The following STK32B variants were observed in gnomAD, a reference collection of about 807,000 sequenced individuals.
STK32B encodes serine/threonine-protein kinase 32B.
Under a neutral mutation model 52.6 loss-of-function variants are expected in STK32B, and 43 were observed. That is an observed-to-expected ratio of 0.82 (90% CI 0.64 to 1.05). The LOEUF is 1.05. Among genes scored for constraint, STK32B ranks in the 50% least tolerant of loss-of-function variants. The probability of loss-of-function intolerance (pLI) is 0.00; values close to 1 mark genes in which losing one functional copy is unlikely to be tolerated. For synonymous variants in STK32B, 238 were observed against 204.3 expected (o/e 1.17, Z -1.41); for missense variants, 621 against 534.6 (o/e 1.16, Z -1.59).
intron 2 of STK32B, 100 bp downstream of exon 2, chr4:5,140,060 T>G (rs146983915): frequency 2.6e-6 from 4 of 1,518,334 alleles, no homozygotes; most frequent in Non-Finnish European, 3.6e-6. Flanking sequence ...TGTTTGACAG[T>G]AAGATTTCGA....
At chr4:5,455,332 C>T (rs1041480228) in intron 7 of STK32B, among the ~76,000 whole-genome samples, 1 of 152,164 alleles carries the variant, frequency 6.6e-6, no homozygotes, top group South Asian at 2.1e-4. Context: ...CATGTAGGCT[C>T]GATCACGTGG....
At chr4:5,276,628 T>C (rs1727842112) in intron 3 of STK32B, among the ~76,000 whole-genome samples, 1 of 152,006 alleles carries the variant, frequency 6.6e-6, no homozygotes. Context: ...TTTAATGGAA[T>C]AGTAATTGTG....
intron 5 of STK32B, among the ~76,000 whole-genome samples, chr4:5,402,582 A>G (rs370387273): frequency 1.4e-4 from 21 of 152,268 alleles, no homozygotes; most frequent in African/African-American, 5.1e-4. Context: ...TGGCCGAGGA[A>G]CTCATGGTCT....
At chr4:5,313,467 T>C (rs1730450822) in intron 3 of STK32B, among the ~76,000 whole-genome samples, 1 of 128,520 alleles carries the variant, frequency 7.8e-6, no homozygotes, top group Admixed American at 7.5e-5. Flanking sequence ...GATTTTTGCT[T>C]TTACTACTCT....
At chr4:5,175,256 C>A (rs1045915629) in intron 3 of STK32B, among the ~76,000 whole-genome samples, 2 of 152,080 alleles carry the variant, frequency 1.3e-5, no homozygotes, top group African/African-American at 4.8e-5. Context: ...AAACTTCCAC[C>A]TTCAGCTCGG....
chr4:5,406,898 ACTC>A, intron 5 of STK32B, among the ~76,000 whole-genome samples: 2 of 152,112 alleles, frequency 1.3e-5, no homozygotes, highest in South Asian at 4.2e-4. Flanking sequence ...GCTCCCTTTT[ACTC>A]ATACAAATTT....
At chr4:5,362,798 C>G (rs1430852981) in intron 4 of STK32B, among the ~76,000 whole-genome samples, 1 of 152,190 alleles carries the variant, frequency 6.6e-6, no homozygotes, top group Non-Finnish European at 1.5e-5. Context: ...TGTGCCTTCC[C>G]TGAGGCAAAG....
At chr4:5,388,727 A>G (rs74458149) in intron 4 of STK32B, among the ~76,000 whole-genome samples, 3,777 of 152,326 alleles carry the variant, frequency 0.025, 149 homozygotes, top group African/African-American at 0.084. Flanking sequence ...AAGAAGGTCC[A>G]AGCTTCTTAA....
intron 3 of STK32B, among the ~76,000 whole-genome samples, chr4:5,195,641 C>T (rs1362977008): frequency 2.0e-5 from 3 of 152,100 alleles, no homozygotes; most frequent in African/African-American, 7.2e-5. Flanking sequence ...TGCAGTGAGC[C>T]GAGATCACGC....
intron 1 of STK32B, among the ~76,000 whole-genome samples, chr4:5,136,209 C>G (rs994337513): frequency 6.6e-6 from 1 of 152,200 alleles, no homozygotes. Flanking sequence ...GAGAATTGAG[C>G]CTGGCTGAGC....
chr4:5,282,485 C>G (rs1390153525), intron 3 of STK32B, among the ~76,000 whole-genome samples: 3 of 152,148 alleles, frequency 2.0e-5, no homozygotes, highest in African/African-American at 7.2e-5. Flanking sequence ...ATACAATCTA[C>G]TGTAATAGAA....
chr4:5,153,076 G>A (rs1201033632), intron 2 of STK32B, among the ~76,000 whole-genome samples: 1 of 152,166 alleles, frequency 6.6e-6, no homozygotes, highest in South Asian at 2.1e-4. Flanking sequence ...GCCATGCACA[G>A]CCTGTTTTAT....
At chr4:5,283,670 G>C (rs1466467490) in intron 3 of STK32B, among the ~76,000 whole-genome samples, 1 of 152,174 alleles carries the variant, frequency 6.6e-6, no homozygotes, top group East Asian at 1.9e-4. Context: ...TGCAGGCCAG[G>C]AGAGAGTGGG....
At chr4:5,471,802 G>A (rs1032925877) in intron 11 of STK32B, among the ~76,000 whole-genome samples, 5 of 152,126 alleles carry the variant, frequency 3.3e-5, no homozygotes, top group Admixed American at 1.3e-4. Flanking sequence ...ATAAGGACCC[G>A]TCTAAAGCTG....
intron 3 of STK32B, among the ~76,000 whole-genome samples, chr4:5,327,564 T>C (rs1431103679): frequency 1.3e-5 from 2 of 152,102 alleles, no homozygotes; most frequent in Admixed American, 1.3e-4. Context: ...GAAAGGAATT[T>C]TTTTTTGAGA....
chr4:5,379,824 A>G (rs1188550080), intron 4 of STK32B, among the ~76,000 whole-genome samples: 1 of 152,140 alleles, frequency 6.6e-6, no homozygotes, highest in Non-Finnish European at 1.5e-5. Context: ...TGAGAAAGAA[A>G]AGTCTGTTGT....
intron 3 of STK32B, among the ~76,000 whole-genome samples, chr4:5,196,052 A>G (rs1721625485): frequency 6.6e-6 from 1 of 152,218 alleles, no homozygotes; most frequent in Non-Finnish European, 1.5e-5. Flanking sequence ...TTTAAAATGG[A>G]GATTGACAGG....
At chr4:5,385,325 G>C (rs973247987) in intron 4 of STK32B, among the ~76,000 whole-genome samples, 15 of 152,160 alleles carry the variant, frequency 9.9e-5, no homozygotes, top group African/African-American at 3.1e-4. Flanking sequence ...TCAGATGGGG[G>C]GATGTGCCTG....
intron 4 of STK32B, among the ~76,000 whole-genome samples, chr4:5,389,857 G>T (rs1175116118): frequency 1.3e-5 from 2 of 152,222 alleles, no homozygotes; most frequent in Non-Finnish European, 2.9e-5. Context: ...GATTATCCAG[G>T]TGGGCCCAAT....
Sources: allele counts gnomAD v4.1 joint callset (sites outside exome capture counted in the v4.1 genomes callset), GRCh38; gene constraint gnomAD v4.1.1; transcripts MANE v1.5; gene names NCBI Gene and HGNC (gene_info 2026-07-23, HGNC 2026-07-21).